The following DPYS variants were observed in gnomAD, a reference collection of about 807,000 sequenced individuals.
The protein encoded by DPYS is dihydropyrimidine amidohydrolase.
DPYS carries 39 observed loss-of-function variants against 50.3 expected under a neutral mutation model. The ratio of observed to expected loss-of-function variants is 0.78; its 90% CI spans 0.60 to 1.01. The LOEUF is 1.01. Among genes scored for constraint, DPYS ranks in the 50% least tolerant of loss-of-function variants. The pLI, the probability that DPYS is intolerant of heterozygous loss-of-function variation, is 0.00. For missense variants in DPYS, 659 were observed against 680.9 expected (o/e 0.97, Z 0.36); for synonymous variants, 245 against 250.7 (o/e 0.98, Z 0.22).
chr8:104,383,417 G>A (rs1188160350), intron 8 of DPYS, among the ~76,000 whole-genome samples: 1 of 152,126 alleles, frequency 6.6e-6, no homozygotes, highest in African/African-American at 2.4e-5. Flanking sequence ...CCGGTGTGCT[G>A]CTCTCTTTCT....
intron 7 of DPYS, among the ~76,000 whole-genome samples, chr8:104,413,318 TATATATA>T (rs1812254263): frequency 1.3e-5 from 2 of 151,282 alleles, no homozygotes; most frequent in African/African-American, 4.8e-5. Flanking sequence ...ACACAAAAAT[TATATATA>T]ATATATATTA....
rs1198665801 is a variant in DPYS at position 104,424,299 on chromosome 8, T to C, written c.1183A>G (p.Ile395Val). The change falls in exon 7 of 10, where the codon ATA becomes GTA. Residue 395 changes from isoleucine (I) to valine (V), a missense_variant. Coordinates refer to ENST00000351513, the MANE Select transcript of DPYS (RefSeq NM_001385.3). ...ATGTCAGCATCTGATCCTACAGCTATTCTTCCTTTTCTTGGATAGAGATTA... is the reference window on the plus strand; with the variant it reads ...ATGTCAGCATCTGATCCTACAGCTACTCTTCCTTTTCTTGGATAGAGATTA... ...IFNLYPRKGR[I>V]AVGSDADIVI... 3 of 1,614,074 alleles carry C rather than the reference T, an allele frequency of 1.9e-6. No homozygotes were observed. The highest frequency in any genetic ancestry group is 2.2e-5 in the East Asian group (1 of 44,882).
Position 104,444,332 on chromosome 8 carries a change from C to T in DPYS, c.709G>A (p.Ala237Thr). The T allele has an allele frequency of 6.2e-7, 1 of 1,614,252 alleles. No homozygotes were observed. Among genetic ancestry groups the T allele is most frequent in the Non-Finnish European group, 8.5e-7 (1 of 1,180,052 alleles). The change falls in exon 4 of 10, where the codon GCC becomes ACC. Residue 237 changes from alanine to threonine, a missense_variant. By Grantham distance (58) the Ala-to-Thr change is moderately conservative. Transcript: ENST00000351513. ...TAGAGAGGACAGTTCACAGCGCTGG[C>T]TATGGTGATGGCTCTCAGCGTGGCC... ...AEATLRAITI[A>T]SAVNCPLYIV... is the part of the protein sequence containing the mutation.
chr8:104,396,912 T>G (rs1281281709), intron 7 of DPYS, among the ~76,000 whole-genome samples: 1 of 151,512 alleles, frequency 6.6e-6, no homozygotes, highest in African/African-American at 2.4e-5. Flanking sequence ...ATCTAAGAGA[T>G]TCTTTATATT....
At chr8:104,457,751 C>T (rs1256386342) in intron 1 of DPYS, among the ~76,000 whole-genome samples, 2 of 152,214 alleles carry the variant, frequency 1.3e-5, no homozygotes, top group Non-Finnish European at 2.9e-5. Flanking sequence ...AATCAAGAAG[C>T]ACACTCAGCT....
At chr8:104,450,017 C>T (rs1226110171) in intron 2 of DPYS, among the ~76,000 whole-genome samples, 1 of 152,074 alleles carries the variant, frequency 6.6e-6, no homozygotes, top group South Asian at 2.1e-4. Context: ...CCAGGTGACT[C>T]TTTGTATACT....
intron 4 of DPYS, among the ~76,000 whole-genome samples, chr8:104,434,401 T>C (rs899722832): frequency 5.9e-5 from 9 of 152,164 alleles, no homozygotes; most frequent in Admixed American, 5.2e-4. Context: ...TAATGAGGCA[T>C]GTCCAACCCT....
chr8:104,459,407 C>T (rs561460126), intron 1 of DPYS, among the ~76,000 whole-genome samples: 17 of 152,246 alleles, frequency 1.1e-4, no homozygotes, highest in Middle Eastern at 3.4e-3. Context: ...GTCTGTTTAC[C>T]GCTGAGAACA....
At chr8:104,412,771 C>T (rs1356516934) in intron 7 of DPYS, among the ~76,000 whole-genome samples, 1 of 152,156 alleles carries the variant, frequency 6.6e-6, no homozygotes, top group Non-Finnish European at 1.5e-5. Flanking sequence ...CAAAAGACAA[C>T]TGGGGCAAAA....
chr8:104,432,977 G>A (rs1813005096), intron 4 of DPYS, among the ~76,000 whole-genome samples: 1 of 152,206 alleles, frequency 6.6e-6, no homozygotes, highest in Non-Finnish European at 1.5e-5. Flanking sequence ...TGAATTTAAA[G>A]TGAGGTCATT....
chr8:104,434,240 C>T (rs1212672735), intron 4 of DPYS, among the ~76,000 whole-genome samples: 36 of 152,234 alleles, frequency 2.4e-4, no homozygotes, highest in Admixed American at 1.2e-3. Flanking sequence ...TGATAAGGGG[C>T]GGTGGAGACC....
Position 104,447,359 on chromosome 8 carries a change from G to A in DPYS, c.568C>T (p.Gln190Ter), listed in dbSNP as rs771160155. Reference protein sequence around the residue: ...SRCKEIGAIAQVHAENGDLIA... With the variant: ...SRCKEIGAIA The stretch of plus-strand genomic sequence containing the variant: ...AAGTCTCCATTTTCCGCATGGACCT[G>A]GGCAATTGCTCCAATTTCCTTGCAC... Residue 190 changes from glutamine (Q) to a stop codon, truncating the protein, a stop_gained, in exon 3 of 10, where the codon CAG becomes TAG. Transcript: ENST00000351513. LOFTEE classifies it high-confidence loss of function. The A allele has an allele frequency of 1.4e-5, 23 of 1,613,876 alleles. 1 individual carries two copies. In the Admixed American group the frequency reaches 3.8e-4, roughly 27 times the overall value.
chr8:104,401,288 G>GTAT (rs34804847), intron 7 of DPYS, among the ~76,000 whole-genome samples: 31,503 of 142,850 alleles, frequency 0.22, 4,493 homozygotes, highest in African/African-American at 0.41. Flanking sequence ...TATGAGGTAG[G>GTAT]TATTATTATT....
intron 8 of DPYS, among the ~76,000 whole-genome samples, chr8:104,389,843 C>T (rs1480938333): frequency 6.6e-6 from 1 of 151,814 alleles, no homozygotes; most frequent in Non-Finnish European, 1.5e-5. Flanking sequence ...ACTAAAATGC[C>T]TAAAAATTTG....
intron 4 of DPYS, among the ~76,000 whole-genome samples, chr8:104,434,534 C>T (rs960007507): frequency 6.6e-6 from 1 of 152,120 alleles, no homozygotes; most frequent in Non-Finnish European, 1.5e-5. Flanking sequence ...CACCTCTCTG[C>T]AAGAGAACTT....
At chr8:104,434,421 G>A (rs186132589) in intron 4 of DPYS, among the ~76,000 whole-genome samples, 6 of 152,112 alleles carry the variant, frequency 3.9e-5, no homozygotes, top group East Asian at 1.9e-4. Flanking sequence ...TCCCTTCCCC[G>A]CATGGCCTGA....
intron 7 of DPYS, among the ~76,000 whole-genome samples, chr8:104,405,584 C>T (rs139370128): frequency 6.6e-4 from 101 of 152,328 alleles, no homozygotes; most frequent in African/African-American, 2.3e-3. Context: ...GAGCTAGAAG[C>T]TCAGCCTCAG....
intron 7 of DPYS, among the ~76,000 whole-genome samples, chr8:104,410,449 C>G (rs974146272): frequency 2.0e-5 from 3 of 151,998 alleles, no homozygotes; most frequent in Non-Finnish European, 4.4e-5. Flanking sequence ...AAAGCAACCT[C>G]CTAGAGTGAC....
At chr8:104,396,157 AT>A (rs1811578041) in intron 7 of DPYS, among the ~76,000 whole-genome samples, 1 of 152,258 alleles carries the variant, frequency 6.6e-6, no homozygotes, top group Non-Finnish European at 1.5e-5. Context: ...TTTTATGGCC[AT>A]TATAATCTGC....
Sources: allele counts gnomAD v4.1 joint callset (sites outside exome capture counted in the v4.1 genomes callset), GRCh38; gene constraint gnomAD v4.1.1; transcripts MANE v1.5; gene names NCBI Gene and HGNC (gene_info 2026-07-23, HGNC 2026-07-21).